The following IDH3G variants were observed in gnomAD, a reference collection of about 807,000 sequenced individuals.
IDH3G encodes the protein isocitrate dehydrogenase [NAD] subunit gamma, mitochondrial.
Under a neutral mutation model 26.9 loss-of-function variants are expected in IDH3G, and 9 were observed. The observed-to-expected ratio is 0.34, with a 90% CI of 0.20 to 0.58. The LOEUF (loss-of-function observed/expected upper bound fraction) is 0.58. Among genes scored for constraint, IDH3G ranks in the 20% least tolerant of loss-of-function variants. The pLI is 0.85. For missense variants in IDH3G, 250 were observed against 372.8 expected (o/e 0.67, Z 2.71); for synonymous variants, 181 against 160.0 (o/e 1.13, Z -0.99).
At position 153,786,962 on chromosome X, in the gene IDH3G, G is replaced by A; in HGVS notation, c.778-15C>T. 8.3e-7 allele frequency: 1 copy of A among 1,205,049 alleles called. No individual in the cohort carries two copies. Among genetic ancestry groups the A allele is most frequent in the Non-Finnish European group, 1.1e-6 (1 of 890,066 alleles). On this transcript the variant is annotated splice_polypyrimidine_tract_variant and intron_variant, in intron 9 of 12. Transcript: ENST00000217901. ...CGGGACACCAGCTGCGGGACAAGGA[G>A]GGGGCTGGCTGAGGAGCAGATTCGG...
Position 153,786,945 on chromosome X carries a change from C to T in IDH3G, c.780G>A (p.Leu260=). The T allele has an allele frequency of 9.1e-6, 11 of 1,208,440 alleles. No homozygotes were observed. Among genetic ancestry groups the T allele is most frequent in the Non-Finnish European group, 1.2e-5 (11 of 893,045 alleles). The change falls in exon 10 of 13, where the codon CTG becomes CTA. Residue 260 remains leucine, a splice_region_variant and synonymous_variant. Transcript: ENST00000217901. ...NMIVDNTTMQ[L]VSRPQQFDVM... is the part of the protein sequence containing the mutation. ...CATCAAACTGCTGGGGCCGGGACAC[C>T]AGCTGCGGGACAAGGAGGGGGCTGG...
At chrX:153,792,036 G>T (rs1458027594) in intron 1 of IDH3G, among the ~76,000 whole-genome samples, 1 of 112,178 alleles carries the variant, frequency 8.9e-6, no homozygotes, top group Non-Finnish European at 1.9e-5. Flanking sequence ...TTATTTGGGG[G>T]CTCTTGTAAG....
chrX:153,790,929 C>T, intron 1 of IDH3G, 78 bp from the exon 2 acceptor site: 2 of 936,435 alleles, frequency 2.1e-6, no homozygotes, highest in South Asian at 4.0e-5. Flanking sequence ...CGGACCGTCC[C>T]CACTGTGCCC....
At chrX:153,787,013 C>G in intron 9 of IDH3G, 38 bp downstream of exon 9, 1 of 1,190,264 alleles carries the variant, frequency 8.4e-7, no homozygotes, top group Non-Finnish European at 1.1e-6. Flanking sequence ...AAGCCCAGGG[C>G]ACTCAGGGCA....
At chrX:153,790,403 G>A in intron 3 of IDH3G, 111 bp from the exon 4 acceptor site, 1 of 876,368 alleles carries the variant, frequency 1.1e-6, no homozygotes, top group Non-Finnish European at 1.7e-6. Context: ...GACCCCACAG[G>A]CTGCCCCGTC....
chrX:153,786,714 C>T (rs2092089658), intron 10 of IDH3G, 87 bp downstream of exon 10: 6 of 1,046,738 alleles, frequency 5.7e-6, no homozygotes, highest in East Asian at 6.1e-5. Flanking sequence ...GCATTTTGAA[C>T]GGGCTAACCG....
At chrX:153,791,745 C>A (rs1363327151) in intron 1 of IDH3G, among the ~76,000 whole-genome samples, 1 of 112,471 alleles carries the variant, frequency 8.9e-6, no homozygotes, top group Non-Finnish European at 1.9e-5. Flanking sequence ...AGCCATTGGC[C>A]AAAGAGCCAT....
chrX:153,788,579 A>C (rs1557069729), intron 5 of IDH3G, among the ~76,000 whole-genome samples: 1 of 112,836 alleles, frequency 8.9e-6, no homozygotes, highest in Non-Finnish European at 1.9e-5. Flanking sequence ...AAGGCCACGG[A>C]TTGGCCGGAC....
chrX:153,793,620 T>A (rs1224114284), intron 1 of IDH3G: 1 of 112,212 alleles, frequency 8.9e-6, no homozygotes, highest in East Asian at 2.8e-4. Flanking sequence ...CCAGCCCACC[T>A]AGGACCTAAA....
At chrX:153,794,118 G>A in intron 1 of IDH3G, 128 bp downstream of exon 1, 3 of 730,853 alleles carry the variant, frequency 4.1e-6, no homozygotes, top group Non-Finnish European at 3.8e-6. Flanking sequence ...AATCAACCCC[G>A]GCGCGAAGCC....
intron 5 of IDH3G, chrX:153,789,226 C>G (rs1557069878): frequency 2.9e-6 from 1 of 342,109 alleles, no homozygotes; most frequent in Admixed American, 3.1e-5. Flanking sequence ...TGGGGCCCCA[C>G]AAGAGTCAGC....
At chrX:153,786,734 AG>A (rs1423513970) in intron 10 of IDH3G, 66 bp downstream of exon 10, 1 of 1,114,526 alleles carries the variant, frequency 9.0e-7, no homozygotes, top group Admixed American at 2.3e-5. Flanking sequence ...GGATGGGATG[AG>A]TGTGCCTCAC....
chrX:153,786,960 GA>G lies in IDH3G; in HGVS notation c.778-14del, dbSNP rs1230767884. 8.3e-7 allele frequency: 1 copy of G among 1,204,232 alleles called. No homozygotes were observed. The highest frequency in any genetic ancestry group is 1.7e-5 in the African/African-American group (1 of 57,502). Reference sequence around the variant, plus strand: ...GCCGGGACACCAGCTGCGGGACAAGGAGGGGGCTGGCTGAGGAGCAGATTCG... The same window carrying G: ...GCCGGGACACCAGCTGCGGGACAAGGGGGGGCTGGCTGAGGAGCAGATTCG... On this transcript the variant is annotated splice_polypyrimidine_tract_variant and intron_variant, in intron 9 of 12. Coordinates refer to ENST00000217901, the MANE Select transcript of IDH3G (RefSeq NM_004135.4).
Position 153,786,340 on chromosome X carries a change from C to T in IDH3G, c.1019+15G>A. On this transcript the variant is annotated intron_variant, in intron 11 of 12. Coordinates refer to ENST00000217901, the MANE Select transcript of IDH3G (RefSeq NM_004135.4). ...GGGCTGGCCAGGGGCTTGCGGGGCA[C>T]TGGGAGCCACTCACTTGAGGTGGTC... The T allele has an allele frequency of 8.3e-7, 1 of 1,206,316 alleles. No individual in the cohort carries two copies.
At chrX:153,787,184 T>C (rs782047120) in intron 8 of IDH3G, 31 bp from the exon 9 acceptor site, 17 of 1,108,032 alleles carry the variant, frequency 1.5e-5, no homozygotes, top group Non-Finnish European at 2.1e-5. Flanking sequence ...GGACACCAGC[T>C]TGGCCATCGC....
At chrX:153,794,129 C>T in intron 1 of IDH3G, 117 bp downstream of exon 1, 2 of 829,290 alleles carry the variant, frequency 2.4e-6, no homozygotes, top group Non-Finnish European at 3.3e-6. Flanking sequence ...GCGCGAAGCC[C>T]TTTCCCCGCC....
In IDH3G at chrX:153,786,146, GGGCTACAGGA is replaced by G. The variant is rs781829485; in HGVS notation, c.1080+56_1080+65del. ...GGGGGCTGTGGTCAGTGCATGAGGC[GGGCTACAGGA>G]GGCTGCAGGGGGAGACTGGGCGGGG... is the stretch of plus-strand genomic sequence containing the variant. On this transcript the variant is annotated intron_variant, in intron 12 of 12. Transcript: ENST00000217901. 65 of 1,200,768 alleles carry G rather than the reference GGGCTACAGGA, an allele frequency of 5.4e-5. No homozygotes were observed. The Middle Eastern group carries it at 1.6e-3, about 30-fold the overall frequency.
At chrX:153,790,439 C>T (rs781985265) in intron 3 of IDH3G, 125 bp downstream of exon 3, 41 of 890,213 alleles carry the variant, frequency 4.6e-5, no homozygotes, top group Non-Finnish European at 6.4e-5. Context: ...GGGGCAGCCC[C>T]GTCCCAGACA....
chrX:153,793,204 C>A (rs1343251664), intron 1 of IDH3G, among the ~76,000 whole-genome samples: 4 of 111,508 alleles, frequency 3.6e-5, no homozygotes, highest in Non-Finnish European at 7.5e-5. Context: ...CACATGTCTT[C>A]ACCAAGAGCC....
Sources: allele counts gnomAD v4.1 joint callset (sites outside exome capture counted in the v4.1 genomes callset), GRCh38; gene constraint gnomAD v4.1.1; transcripts MANE v1.5; gene names NCBI Gene and HGNC (gene_info 2026-07-23, HGNC 2026-07-21).